Variants in ENOX1 observed in about 807,000 individuals in gnomAD.
The protein encoded by ENOX1 is candidate growth-related and time keeping constitutive hydroquinone (NADH) oxidase.
Under a neutral mutation model 82.5 loss-of-function variants are expected in ENOX1, and 42 were observed. The observed-to-expected ratio is 0.51, with a 90% CI of 0.40 to 0.66. The LOEUF is 0.66. Among genes scored for constraint, ENOX1 ranks in the 30% least tolerant of loss-of-function variants. The pLI is 0.00. For synonymous variants in ENOX1, 271 were observed against 282.2 expected (o/e 0.96, Z 0.40); for missense variants, 608 against 811.6 (o/e 0.75, Z 3.05).
intron 2 of ENOX1, among the ~76,000 whole-genome samples, chr13:43,640,680 A>G (rs2083598060): frequency 1.3e-5 from 2 of 152,262 alleles, no homozygotes; most frequent in African/African-American, 2.4e-5. Context: ...CCACCCACCT[A>G]CACAAAGAGT....
chr13:43,360,167 T>C, intron 6 of ENOX1, 110 bp from the exon 7 acceptor site: 1 of 891,410 alleles, frequency 1.1e-6, no homozygotes, highest in South Asian at 1.7e-5. Flanking sequence ...TGAGTGACGG[T>C]AAATTTCTAT....
intron 2 of ENOX1, among the ~76,000 whole-genome samples, chr13:43,636,516 C>T (rs188378856): frequency 2.2e-4 from 34 of 152,254 alleles, no homozygotes; most frequent in South Asian, 1.7e-3. Flanking sequence ...CTCTGTGGCC[C>T]ACGAACTTTT....
At chr13:43,267,307 G>C (rs1436721106) in intron 13 of ENOX1, among the ~76,000 whole-genome samples, 1 of 152,220 alleles carries the variant, frequency 6.6e-6, no homozygotes, top group Non-Finnish European at 1.5e-5. Context: ...TTGTAAATGA[G>C]ATGAAAGGCA....
chr13:43,241,405 G>C (rs2042824680), intron 14 of ENOX1, among the ~76,000 whole-genome samples: 3 of 152,196 alleles, frequency 2.0e-5, no homozygotes, highest in Admixed American at 1.3e-4. Flanking sequence ...AGTGAGTGGG[G>C]ATGGAGTGGG....
At chr13:43,353,227 T>C (rs1485330076) in intron 8 of ENOX1, among the ~76,000 whole-genome samples, 8 of 152,220 alleles carry the variant, frequency 5.3e-5, no homozygotes, top group Non-Finnish European at 1.2e-4. Context: ...TTATTTTTAC[T>C]GAGCACCTAC....
At chr13:43,704,466 G>GA (rs1003713176) in intron 1 of ENOX1, among the ~76,000 whole-genome samples, 52 of 149,728 alleles carry the variant, frequency 3.5e-4, no homozygotes, top group African/African-American at 1.0e-3. Context: ...ACCTTTGAAA[G>GA]AAAAAAAAAC....
intron 9 of ENOX1, among the ~76,000 whole-genome samples, chr13:43,337,298 G>A (rs1157625136): frequency 1.3e-5 from 2 of 152,194 alleles, no homozygotes; most frequent in Admixed American, 6.5e-5. Flanking sequence ...CAGTGAGGTA[G>A]AAAAGAGAAC....
At chr13:43,465,210 G>A (rs2057665936) in intron 3 of ENOX1, among the ~76,000 whole-genome samples, 1 of 152,142 alleles carries the variant, frequency 6.6e-6, no homozygotes, top group Non-Finnish European at 1.5e-5. Flanking sequence ...TCTGAAGGTG[G>A]ATATATCTAC....
chr13:43,420,523 T>C (rs1238112677), intron 3 of ENOX1, among the ~76,000 whole-genome samples: 2 of 151,944 alleles, frequency 1.3e-5, no homozygotes, highest in Admixed American at 1.3e-4. Flanking sequence ...GGGAGGTGAG[T>C]GGAATCTGCA....
intron 5 of ENOX1, among the ~76,000 whole-genome samples, chr13:43,411,144 T>C (rs1215110390): frequency 6.6e-6 from 1 of 151,906 alleles, no homozygotes; most frequent in Non-Finnish European, 1.5e-5. Context: ...TTAACACACC[T>C]GACTCTACAC....
rs1952635077 is a variant in ENOX1 at position 43,786,488 on chromosome 13, C to G, written c.-285+164G>C. ...GGGCTGCACCGAAGCCCCCACGCGT[C>G]CACGCACCCCTCCTCACCAGCCTCA... On this transcript the variant is annotated intron_variant, in intron 1 of 16. Coordinates refer to ENST00000690772, the MANE Select transcript of ENOX1 (RefSeq NM_001347969.2). This position sits in a 1 kb window ranked among gnomAD's most constrained non-coding sequence, Gnocchi z 6.0. 6.6e-6 allele frequency among the ~76,000 whole-genome samples: 1 copy of G among 151,820 alleles called. No homozygotes were observed. Among genetic ancestry groups the G allele is most frequent in the Non-Finnish European group, 1.5e-5 (1 of 67,912 alleles).
chr13:43,332,342 C>T (rs117156854), intron 9 of ENOX1, among the ~76,000 whole-genome samples: 12 of 152,234 alleles, frequency 7.9e-5, no homozygotes, highest in South Asian at 2.1e-4. Flanking sequence ...ATAGGGTTCA[C>T]GCTCCTGTAA....
intron 3 of ENOX1, among the ~76,000 whole-genome samples, chr13:43,414,446 C>CTTGA (rs1202643303): frequency 9.9e-5 from 15 of 152,152 alleles, no homozygotes; most frequent in African/African-American, 3.6e-4. Flanking sequence ...AACTCAGAAC[C>CTTGA]TGCATGTGTA....
chr13:43,355,829 A>G, intron 8 of ENOX1, 90 bp downstream of exon 8: 1 of 1,251,224 alleles, frequency 8.0e-7, no homozygotes, highest in Admixed American at 1.9e-5. Context: ...ATTGTGCTGA[A>G]GGGACAATGG....
At chr13:43,246,919 G>T (rs1235210011) in intron 14 of ENOX1, among the ~76,000 whole-genome samples, 1 of 152,214 alleles carries the variant, frequency 6.6e-6, no homozygotes, top group Non-Finnish European at 1.5e-5. Flanking sequence ...AGAATGGAAA[G>T]ATTCTATGTG....
At chr13:43,701,107 C>T (rs770007968) in intron 1 of ENOX1, among the ~76,000 whole-genome samples, 12 of 152,236 alleles carry the variant, frequency 7.9e-5, no homozygotes, top group African/African-American at 1.2e-4. Flanking sequence ...ATTAGTTTTA[C>T]GCATTTTTTT....
At chr13:43,613,106 TGA>T (rs2082267870) in intron 2 of ENOX1, among the ~76,000 whole-genome samples, 1 of 152,174 alleles carries the variant, frequency 6.6e-6, no homozygotes, top group Non-Finnish European at 1.5e-5. Context: ...TAAAAAATTT[TGA>T]GTGTTATATT....
chr13:43,241,820 C>T lies in ENOX1; in HGVS notation c.1612-5082G>A, dbSNP rs376582779. On this transcript the variant is annotated intron_variant, in intron 14 of 16. Coordinates refer to ENST00000690772, the MANE Select transcript of ENOX1 (RefSeq NM_001347969.2). ...CCCTTCTAAGAGTCCTCATCACTTA[C>T]TTTGAGAAATGATCAAAGTAATTTA... Among the ~76,000 whole-genome samples, 5 of 152,288 alleles carry T rather than the reference C, an allele frequency of 3.3e-5. No individual in the cohort carries two copies. The East Asian group carries it at 9.6e-4, about 29-fold the overall frequency.
chr13:43,754,165 T>C (rs571357774), intron 1 of ENOX1, among the ~76,000 whole-genome samples: 27 of 148,398 alleles, frequency 1.8e-4, no homozygotes, highest in African/African-American at 4.9e-4. Flanking sequence ...TGTATATATG[T>C]ATACATTACA....
Sources: gnomAD v4.1 joint callset for allele counts (sites outside exome capture counted in the v4.1 genomes callset) on GRCh38, gnomAD v4.1.1 for gene constraint, Gnocchi (gnomAD v3.1) non-coding constraint, MANE v1.5 for transcripts, NCBI Gene and HGNC (gene_info 2026-07-23, HGNC 2026-07-21) for gene names.